Variants in CAMKMT observed in about 807,000 individuals in gnomAD.
CAMKMT encodes CaM KMT.
Under a neutral mutation model 48.0 loss-of-function variants are expected in CAMKMT, and 53 were observed. The observed-to-expected ratio is 1.10, with a 90% CI of 0.89 to 1.39. The LOEUF (loss-of-function observed/expected upper bound fraction) is 1.39, where lower values mean the gene tolerates loss of function less well. CAMKMT is among the 40% of genes most tolerant of loss of function. The pLI is 0.00. For missense variants in CAMKMT, 428 were observed against 402.7 expected, an observed-to-expected ratio of 1.06 and a Z score of -0.54; for synonymous variants, 165 against 152.3, an observed-to-expected ratio of 1.08 and a Z score of -0.61.
intron 3 of CAMKMT, chr2:44,676,518 T>C (rs1675699204): frequency 6.6e-6 from 1 of 152,276 alleles, no homozygotes; most frequent in Non-Finnish European, 1.5e-5. Flanking sequence ...TTAAGCCTCT[T>C]TCTCCACATC....
At chr2:44,426,650 A>G (rs1187515221) in intron 3 of CAMKMT, among the ~76,000 whole-genome samples, 1 of 152,208 alleles carries the variant, frequency 6.6e-6, no homozygotes, top group Non-Finnish European at 1.5e-5. Flanking sequence ...GAGAACTTAA[A>G]ACACTGCTGA....
intron 3 of CAMKMT, among the ~76,000 whole-genome samples, chr2:44,552,125 C>A (rs1667747355): frequency 6.6e-6 from 1 of 152,024 alleles, no homozygotes; most frequent in Non-Finnish European, 1.5e-5. Flanking sequence ...TAGGTGATTT[C>A]TCATCTCTCA....
chr2:44,481,585 G>T lies in CAMKMT; in HGVS notation c.376+91280G>T, dbSNP rs577351356. Among the ~76,000 whole-genome samples the T allele has an allele frequency of 2.6e-5, 4 of 152,020 alleles. No individual in the cohort carries two copies. In the East Asian group the frequency reaches 7.7e-4, roughly 29 times the overall value. ...TCTTATGTAACTTATGAACATGTAA[G>T]GATGATCACTTTGTTCTAATTTGTA... On this transcript the variant is annotated intron_variant, in intron 3 of 10. Coordinates refer to ENST00000378494, the MANE Select transcript of CAMKMT (RefSeq NM_024766.5).
chr2:44,375,657 A>G (rs1441719075), intron 2 of CAMKMT, among the ~76,000 whole-genome samples: 1 of 152,184 alleles, frequency 6.6e-6, no homozygotes, highest in Non-Finnish European at 1.5e-5. Flanking sequence ...CAAAGATACT[A>G]GAAAATACAC....
At chr2:44,521,901 C>A (rs1371339812) in intron 3 of CAMKMT, among the ~76,000 whole-genome samples, 1 of 152,026 alleles carries the variant, frequency 6.6e-6, no homozygotes, top group African/African-American at 2.4e-5. Context: ...TGGTAAAATA[C>A]ATGTAACATA....
At chr2:44,497,997 G>C (rs1362741113) in intron 3 of CAMKMT, among the ~76,000 whole-genome samples, 1 of 152,116 alleles carries the variant, frequency 6.6e-6, no homozygotes, top group African/African-American at 2.4e-5. Context: ...TCATTATGGA[G>C]ATAGTCTGAA....
In CAMKMT at chr2:44,510,644, T is replaced by A. The variant is rs190520739; in HGVS notation, c.376+120339T>A. Among the ~76,000 whole-genome samples the A allele has an allele frequency of 2.6e-3, 397 of 152,346 alleles. 2 individuals are homozygous for A. The highest frequency in any genetic ancestry group is 9.1e-3 in the African/African-American group (378 of 41,576). On this transcript the variant is annotated intron_variant, in intron 3 of 10. Transcript: ENST00000378494. ...TTTACATTCCACTGATTCCATCGCCTACATTCTTTTTAAAAAACTTCATTT... is the reference window on the plus strand; with the variant it reads ...TTTACATTCCACTGATTCCATCGCCAACATTCTTTTTAAAAAACTTCATTT...
chr2:44,462,551 TA>T (rs1172846902), intron 3 of CAMKMT, among the ~76,000 whole-genome samples: 5 of 152,156 alleles, frequency 3.3e-5, no homozygotes, highest in Admixed American at 6.5e-5. Flanking sequence ...TTTTTGCTTT[TA>T]TTTTTGATGT....
intron 3 of CAMKMT, among the ~76,000 whole-genome samples, chr2:44,701,813 T>C (rs1305378476): frequency 1.3e-5 from 2 of 152,200 alleles, no homozygotes; most frequent in African/African-American, 2.4e-5. Context: ...CTAGTAAAGC[T>C]ATCTACCACA....
At chr2:44,715,544 A>G (rs1254736871) in intron 7 of CAMKMT, among the ~76,000 whole-genome samples, 191 bp downstream of exon 7, 4 of 152,210 alleles carry the variant, frequency 2.6e-5, no homozygotes, top group Non-Finnish European at 5.9e-5. Context: ...AGACACTCTC[A>G]TTAGCTCCAA....
In CAMKMT at chr2:44,538,634, TG is replaced by T. The variant is rs563037811; in HGVS notation, c.376+148334del. Among the ~76,000 whole-genome samples the T allele has an allele frequency of 7.1e-4, 108 of 151,880 alleles. 1 individual carries two copies. The highest frequency in any genetic ancestry group is 3.4e-3 in the Middle Eastern group (1 of 294). ...AGGGACTCAGGAGGAGAGGTTGGGGTGGGGGTGATAGATAAAAGACTGCATA... is the reference window on the plus strand; with the variant it reads ...AGGGACTCAGGAGGAGAGGTTGGGGTGGGGTGATAGATAAAAGACTGCATA... On this transcript the variant is annotated intron_variant, in intron 3 of 10. Transcript: ENST00000378494.
chr2:44,404,191 A>C (rs1393397395), intron 3 of CAMKMT, among the ~76,000 whole-genome samples: 1 of 152,176 alleles, frequency 6.6e-6, no homozygotes, highest in Admixed American at 6.5e-5. Context: ...TATTTAAAAA[A>C]GCAAACCACA....
At chr2:44,391,449 T>G (rs1048407848) in intron 3 of CAMKMT, among the ~76,000 whole-genome samples, 117 of 152,300 alleles carry the variant, frequency 7.7e-4, no homozygotes, top group African/African-American at 2.7e-3. Flanking sequence ...TAGTGAATTC[T>G]CTCCCACTTA....
chr2:44,597,366 C>A (rs1670725359), intron 3 of CAMKMT, among the ~76,000 whole-genome samples: 1 of 152,238 alleles, frequency 6.6e-6, no homozygotes, highest in Non-Finnish European at 1.5e-5. Context: ...TTTAAGAAAT[C>A]TGTCCATAAT....
intron 3 of CAMKMT, among the ~76,000 whole-genome samples, chr2:44,633,101 T>C (rs533546430): frequency 4.3e-4 from 65 of 152,344 alleles, no homozygotes; most frequent in African/African-American, 1.5e-3. Context: ...TTGAAAATTT[T>C]CATTCCATTG....
intron 3 of CAMKMT, among the ~76,000 whole-genome samples, chr2:44,575,241 G>A (rs1306971721): frequency 6.6e-6 from 1 of 151,772 alleles, no homozygotes; most frequent in African/African-American, 2.4e-5. Context: ...ACCACTCTCG[G>A]CTAATTTTTG....
In CAMKMT at chr2:44,715,338, A is replaced by G; in HGVS notation, c.608A>G (p.Gln203Arg). The change falls in exon 7 of 11, where the codon CAG becomes CGG. Residue 203 changes from glutamine (Q) to arginine (R), a missense_variant. Physicochemically the swap from Gln to Arg is conservative, Grantham distance 43 (BLOSUM62 1). Coordinates refer to ENST00000378494, the MANE Select transcript of CAMKMT (RefSeq NM_024766.5). ...RNQKAGVFKT[Q>R]KISSCVLRWD... ...CAGAAGGCTGGTGTGTTTAAGACCC[A>G]GAAAATATCAAGCTGGTAAGATACC... The G allele has an allele frequency of 1.2e-6, 2 of 1,612,908 alleles. No individual in the cohort carries two copies. Among genetic ancestry groups the G allele is most frequent in the Non-Finnish European group, 1.7e-6 (2 of 1,179,206 alleles).
At chr2:44,667,092 G>C (rs909938423) in intron 3 of CAMKMT, among the ~76,000 whole-genome samples, 1 of 152,184 alleles carries the variant, frequency 6.6e-6, no homozygotes, top group Non-Finnish European at 1.5e-5. Flanking sequence ...TTTAGCTGCA[G>C]GGAGGCAAAA....
chr2:44,507,899 A>G (rs927945151), intron 3 of CAMKMT, among the ~76,000 whole-genome samples: 1 of 152,222 alleles, frequency 6.6e-6, no homozygotes, highest in African/African-American at 2.4e-5. Context: ...TTACCTCGGC[A>G]CAAACTGGCA....
Sources: allele counts gnomAD v4.1 joint callset (sites outside exome capture counted in the v4.1 genomes callset), GRCh38; gene constraint gnomAD v4.1.1; transcripts MANE v1.5; gene names NCBI Gene and HGNC (gene_info 2026-07-23, HGNC 2026-07-21).